Variants in EDNRB observed in about 807,000 individuals in gnomAD.
The protein encoded by EDNRB is endothelin receptor type B.
In EDNRB, 18 loss-of-function variants were observed where a neutral mutation model predicts 46.4. The observed-to-expected ratio is 0.39, with a 90% CI of 0.27 to 0.57. The LOEUF (loss-of-function observed/expected upper bound fraction) is 0.57, where lower values mean the gene tolerates loss of function less well. Ranked by LOEUF, EDNRB falls within the 20% of genes least tolerant of loss-of-function variation. The pLI is 0.61. For missense variants in EDNRB, 434 were observed against 537.5 expected (o/e 0.81, Z 1.90); for synonymous variants, 213 against 204.9 (o/e 1.04, Z -0.34).
intron 1 of EDNRB, among the ~76,000 whole-genome samples, chr13:77,925,519 GGAAGCC>G (rs1880212000): frequency 6.6e-6 from 1 of 152,206 alleles, no homozygotes; most frequent in South Asian, 2.1e-4. Flanking sequence ...TTCAGAGGGT[GGAAGCC>G]CTAAGCCTTG....
Position 77,903,367 on chromosome 13 carries a change from A to T in EDNRB, c.597-7T>A. On this transcript the variant is annotated splice_region_variant and splice_polypyrimidine_tract_variant and intron_variant, in intron 2 of 6. Coordinates refer to ENST00000646607, the MANE Select transcript of EDNRB (RefSeq NM_001122659.3). ...AGAAGCAACAGCTCGATATCTGAAG[A>T]TAAAAATAGAATTGTATTTTAAGCT... 12 of 1,612,918 alleles carry T rather than the reference A, an allele frequency of 7.4e-6. No homozygotes were observed. The highest frequency in any genetic ancestry group is 1.0e-5 in the Non-Finnish European group (12 of 1,179,314).
At chr13:77,928,259 T>C (rs1880294919) in intron 1 of EDNRB, among the ~76,000 whole-genome samples, 1 of 152,164 alleles carries the variant, frequency 6.6e-6, no homozygotes, top group Non-Finnish European at 1.5e-5. Context: ...TTACTTCATA[T>C]TTTATTATAC....
chr13:77,936,895 C>T lies in EDNRB; in HGVS notation c.-51-18271G>A, dbSNP rs547775231. 3.3e-5 allele frequency among the ~76,000 whole-genome samples: 5 copies of T among 152,324 alleles called. No individual in the cohort carries two copies. In the South Asian group the frequency reaches 8.3e-4, roughly 25 times the overall value. On this transcript the variant is annotated intron_variant, in intron 1 of 7. Transcript: ENST00000646948. ...TGCTGGAGGTGTGGCTGGGTTTTGT[C>T]TCACAGCAGAGGCAAGTAATTGTAA...
chr13:77,925,647 A>G (rs1359557798), intron 1 of EDNRB, among the ~76,000 whole-genome samples: 1 of 152,234 alleles, frequency 6.6e-6, no homozygotes, highest in Admixed American at 6.5e-5. Context: ...ATGCCCAGGC[A>G]AAAGTTTGCT....
intron 1 of EDNRB, among the ~76,000 whole-genome samples, chr13:77,953,777 CATA>C (rs1881158430): frequency 6.6e-6 from 1 of 151,952 alleles, no homozygotes; most frequent in Non-Finnish European, 1.5e-5. Context: ...ACCCAGGGAC[CATA>C]TAATGAATAT....
intron 1 of EDNRB, chr13:77,975,249 C>T (rs1482288026): frequency 2.0e-5 from 3 of 152,324 alleles, no homozygotes; most frequent in Non-Finnish European, 4.4e-5. Flanking sequence ...CAAGTCAAAA[C>T]CAAAACCAAA....
chr13:77,949,954 C>A (rs1020822454), intron 1 of EDNRB, among the ~76,000 whole-genome samples: 2 of 152,162 alleles, frequency 1.3e-5, no homozygotes, highest in African/African-American at 4.8e-5. Flanking sequence ...TCCTCACTGT[C>A]CCTTTGATAG....
At chr13:77,931,744 CAAAAAAAAA>C (rs67176737) in intron 1 of EDNRB, among the ~76,000 whole-genome samples, 1 of 83,450 alleles carries the variant, frequency 1.2e-5, no homozygotes. Flanking sequence ...ACTGTAGTAG[CAAAAAAAAA>C]AAAAAAACAA....
intron 1 of EDNRB, among the ~76,000 whole-genome samples, chr13:77,946,251 A>G (rs1011948802): frequency 6.6e-6 from 1 of 152,204 alleles, no homozygotes; most frequent in Non-Finnish European, 1.5e-5. Context: ...ATTCTATAGT[A>G]TAGAATCCCA....
chr13:77,958,459 G>A (rs992468491), intron 1 of EDNRB, among the ~76,000 whole-genome samples: 17 of 152,174 alleles, frequency 1.1e-4, no homozygotes, highest in Admixed American at 9.8e-4. Flanking sequence ...TGCAAGCTCC[G>A]CCTCCCGGGT....
chr13:77,936,482 C>A (rs1007814651), intron 1 of EDNRB, among the ~76,000 whole-genome samples: 1 of 152,062 alleles, frequency 6.6e-6, no homozygotes, highest in Non-Finnish European at 1.5e-5. Context: ...TGGGTAGCCT[C>A]CATATTAATT....
chr13:77,969,676 T>C (rs926585717), intron 1 of EDNRB, among the ~76,000 whole-genome samples: 22 of 152,168 alleles, frequency 1.4e-4, no homozygotes, highest in African/African-American at 5.3e-4. Flanking sequence ...TTCAAAACAT[T>C]ACCCGCCTGC....
intron 1 of EDNRB, among the ~76,000 whole-genome samples, chr13:77,938,793 G>T (rs900111838): frequency 2.0e-5 from 3 of 152,204 alleles, no homozygotes; most frequent in Non-Finnish European, 2.9e-5. Flanking sequence ...GAGGGATAGT[G>T]AGAGAGGTTG....
At chr13:77,913,535 C>T (rs1185941058) in intron 1 of EDNRB, among the ~76,000 whole-genome samples, 1 of 152,128 alleles carries the variant, frequency 6.6e-6, no homozygotes, top group Non-Finnish European at 1.5e-5. Flanking sequence ...TTTCTTTACA[C>T]ATAAAGGAAG....
chr13:77,897,913 T>C lies in EDNRB; in HGVS notation c.*287A>G. 8.7e-7 allele frequency: 1 copy of C among 1,147,210 alleles called. No individual in the cohort carries two copies. The highest frequency in any genetic ancestry group is 1.1e-6 in the Non-Finnish European group (1 of 927,570). 71.1% of individuals were successfully genotyped at this position (1,147,210 alleles called of 1,614,324 possible). On this transcript the variant is annotated 3_prime_UTR_variant, in exon 7 of 7. Transcript: ENST00000646607. Reference sequence around the variant, plus strand: ...AGCTCATTTTTAAGCCTAAGTGTTGTGTGAATATCCTGGAAGTTGTTAAGA... The same window carrying C: ...AGCTCATTTTTAAGCCTAAGTGTTGCGTGAATATCCTGGAAGTTGTTAAGA...
At chr13:77,911,781 G>T (rs1413216062) in intron 1 of EDNRB, among the ~76,000 whole-genome samples, 2 of 151,876 alleles carry the variant, frequency 1.3e-5, no homozygotes, top group Admixed American at 1.3e-4. Context: ...TAAAAGCCTT[G>T]GAAATAATAA....
At position 77,909,726 on chromosome 13, in the gene EDNRB, C is replaced by T. The variant is rs138649696; in HGVS notation, c.484-6119G>A. 2.3e-4 allele frequency among the ~76,000 whole-genome samples: 35 copies of T among 152,144 alleles called. 1 individual carries two copies. In the East Asian group the frequency reaches 4.1e-3, roughly 18 times the overall value. ...TCAATGTTTGTTAAGTAACGATGAACGGATGAGTGGATGAATGAATTTGAT... is the reference window on the plus strand; with the variant it reads ...TCAATGTTTGTTAAGTAACGATGAATGGATGAGTGGATGAATGAATTTGAT... On this transcript the variant is annotated intron_variant, in intron 1 of 6. Transcript: ENST00000646607.
At chr13:77,969,469 C>T (rs929219244) in intron 1 of EDNRB, among the ~76,000 whole-genome samples, 1 of 152,144 alleles carries the variant, frequency 6.6e-6, no homozygotes, top group East Asian at 1.9e-4. Context: ...TTATCTCCCT[C>T]GTGACCCTGC....
upstream of EDNRB, among the ~76,000 whole-genome samples, chr13:77,923,520 T>TA (rs1484670039): frequency 6.6e-6 from 1 of 152,236 alleles, no homozygotes; most frequent in Non-Finnish European, 1.5e-5. Context: ...CTATCATTAC[T>TA]GTATGTCAGC....
Sources: allele counts gnomAD v4.1 joint callset (sites outside exome capture counted in the v4.1 genomes callset), GRCh38; gene constraint gnomAD v4.1.1; transcripts MANE v1.5; gene names NCBI Gene and HGNC (gene_info 2026-07-23, HGNC 2026-07-21).